THSD4: variants seen among roughly 807,000 people sequenced by gnomAD.
THSD4 encodes the protein thrombospondin type 1 domain containing 4.
Under a neutral mutation model 119.0 loss-of-function variants are expected in THSD4, and 69 were observed. The ratio of observed to expected loss-of-function variants is 0.58; its 90% CI spans 0.48 to 0.71. The LOEUF is 0.71. Among genes scored for constraint, THSD4 ranks in the 30% least tolerant of loss-of-function variants. The pLI, the probability that THSD4 is intolerant of heterozygous loss-of-function variation, is 0.00. For missense variants in THSD4, 1,393 were observed against 1,391.1 expected, an observed-to-expected ratio of 1.00 and a Z score of -0.02; for synonymous variants, 524 against 540.4, an observed-to-expected ratio of 0.97 and a Z score of 0.42.
At chr15:71,746,614 C>T (rs1022784797) in intron 12 of THSD4, among the ~76,000 whole-genome samples, 2 of 152,124 alleles carry the variant, frequency 1.3e-5, no homozygotes, top group African/African-American at 2.4e-5. Flanking sequence ...AGGCTGGTCT[C>T]GAACTCCTGG....
At chr15:71,650,913 A>T (rs1037047216) in intron 7 of THSD4, among the ~76,000 whole-genome samples, 3 of 152,218 alleles carry the variant, frequency 2.0e-5, no homozygotes, top group Non-Finnish European at 4.4e-5. Flanking sequence ...TGATTTTTTT[A>T]AAAACTGAGA....
At chr15:71,180,140 A>G (rs1005495568) in intron 3 of THSD4, among the ~76,000 whole-genome samples, 2 of 42,440 alleles carry the variant, frequency 4.7e-5, no homozygotes, top group African/African-American at 7.3e-5. Flanking sequence ...CTTAGAGTAT[A>G]ATAAAAAAAA....
Position 71,771,103 on chromosome 15 carries a change from G to C in THSD4, c.2809G>C (p.Val937Leu). 1 of 1,614,222 alleles carries C rather than the reference G, an allele frequency of 6.2e-7. No homozygotes were observed. Among genetic ancestry groups the C allele is most frequent in the Non-Finnish European group, 8.5e-7 (1 of 1,180,028 alleles). ...SCQGGFRVRE[V>L]RCLSDDMTLS... ...CCAGGGTGGCTTTCGGGTCCGGGAA[G>C]TGCGGTGTCTGTCTGATGACATGAC... Residue 937 changes from valine (V) to leucine (L), a missense_variant, in exon 17 of 18, where the codon GTG becomes CTG. Transcript: ENST00000261862.
chr15:71,704,454 A>G (rs980397929), intron 8 of THSD4, among the ~76,000 whole-genome samples: 1 of 152,082 alleles, frequency 6.6e-6, no homozygotes, highest in African/African-American at 2.4e-5. Context: ...TCCCCTGCAC[A>G]TGCTCTCTTG....
intron 7 of THSD4, among the ~76,000 whole-genome samples, chr15:71,434,462 T>TCAA (rs1555413343): frequency 8.0e-6 from 1 of 124,848 alleles, no homozygotes; most frequent in Non-Finnish European, 1.6e-5. Context: ...TTTTTTTTTT[T>TCAA]AATTTCTGAA....
chr15:71,341,263 A>G (rs535873847), intron 6 of THSD4: 1 of 1,596,162 alleles, frequency 6.3e-7, no homozygotes, highest in African/African-American at 1.3e-5. Context: ...CCTTTTCCGT[A>G]AGGATCATCT....
At chr15:71,442,579 AAT>A (rs1555414268) in intron 7 of THSD4, among the ~76,000 whole-genome samples, 1 of 39,860 alleles carries the variant, frequency 2.5e-5, no homozygotes, top group African/African-American at 7.4e-5. Flanking sequence ...AAAAAAAAAA[AAT>A]ATATATATAT....
At chr15:71,471,571 T>G (rs1471574309) in intron 7 of THSD4, among the ~76,000 whole-genome samples, 1 of 151,770 alleles carries the variant, frequency 6.6e-6, no homozygotes, top group Non-Finnish European at 1.5e-5. Flanking sequence ...GATGTTTGTC[T>G]TTTGCAATGT....
In THSD4 at chr15:71,768,268, A is replaced by AAAAAAAACC. The variant is rs796968019; in HGVS notation, c.2770-2788_2770-2780dup. 2.5e-3 allele frequency among the ~76,000 whole-genome samples: 358 copies of AAAAAAAACC among 145,002 alleles called. 1 individual carries two copies. Among genetic ancestry groups the AAAAAAAACC allele is most frequent in the African/African-American group, 8.3e-3 (326 of 39,262 alleles). ...GGCAGCCCCCCGGAAGTAGTCTCACAAAAAAAACCAAAAAAAAACCCTGCA... is the reference window on the plus strand; with the variant it reads ...GGCAGCCCCCCGGAAGTAGTCTCACAAAAAAAACCAAAAAAACCAAAAAAAAACCCTGCA... On this transcript the variant is annotated intron_variant, in intron 16 of 17. Coordinates refer to ENST00000261862, the MANE Select transcript of THSD4 (RefSeq NM_024817.3).
At chr15:71,290,651 A>T (rs1394275565) in intron 6 of THSD4, among the ~76,000 whole-genome samples, 1 of 152,220 alleles carries the variant, frequency 6.6e-6, no homozygotes, top group Non-Finnish European at 1.5e-5. Context: ...CTTAATTTAA[A>T]AAGTATTTTG....
intron 7 of THSD4, among the ~76,000 whole-genome samples, chr15:71,616,160 TA>T (rs1219813403): frequency 1.3e-5 from 2 of 151,276 alleles, no homozygotes; most frequent in Admixed American, 6.6e-5. Context: ...GGCAGTTCCT[TA>T]AAAAAAAATC....
At chr15:71,367,315 G>C (rs184925640) in intron 6 of THSD4, among the ~76,000 whole-genome samples, 9 of 151,328 alleles carry the variant, frequency 5.9e-5, no homozygotes, top group Admixed American at 2.0e-4. Context: ...TATTATACTT[G>C]AAGTTCTAGG....
intron 7 of THSD4, among the ~76,000 whole-genome samples, chr15:71,608,038 G>A (rs1039860977): frequency 1.1e-4 from 16 of 151,952 alleles, no homozygotes; most frequent in African/African-American, 7.2e-5. Flanking sequence ...CCTGGCCAAC[G>A]TGGTGAAACC....
chr15:71,564,191 T>C (rs1317036075), intron 7 of THSD4, among the ~76,000 whole-genome samples: 3 of 152,198 alleles, frequency 2.0e-5, no homozygotes, highest in Non-Finnish European at 4.4e-5. Flanking sequence ...CTATTCCTGC[T>C]ATGCTTATGT....
chr15:71,385,536 A>C (rs975655112), intron 6 of THSD4, among the ~76,000 whole-genome samples: 1 of 152,022 alleles, frequency 6.6e-6, no homozygotes, highest in African/African-American at 2.4e-5. Flanking sequence ...TACAGAAAAC[A>C]GAAGTGACTT....
In THSD4 at chr15:71,767,695, A is replaced by T. The variant is rs368983002; in HGVS notation, c.2769+2496A>T. On this transcript the variant is annotated intron_variant, in intron 16 of 17. Transcript: ENST00000261862. The stretch of plus-strand genomic sequence containing the variant: ...GTATAAACTTAGAAATTATCTCTCT[A>T]AAAATCTTTTCTAATTTCACCCACT... 5.3e-5 allele frequency: 8 copies of T among 152,340 alleles called. No individual in the cohort carries two copies. In the East Asian group the frequency reaches 1.2e-3, roughly 22 times the overall value. The allele number at this position is 152,340 out of a possible 1,614,324, so 9.4% of individuals were successfully genotyped here.
At chr15:71,663,200 T>C (rs1387272575) in intron 8 of THSD4, among the ~76,000 whole-genome samples, 1 of 151,888 alleles carries the variant, frequency 6.6e-6, no homozygotes, top group Non-Finnish European at 1.5e-5. Context: ...TGCAGTGAGT[T>C]GTAATCGTGC....
chr15:71,527,661 T>C (rs921909606), intron 7 of THSD4, among the ~76,000 whole-genome samples: 4 of 151,892 alleles, frequency 2.6e-5, no homozygotes, highest in Non-Finnish European at 5.9e-5. Flanking sequence ...CTTTTCTTCA[T>C]TGATGTTACT....
intron 7 of THSD4, among the ~76,000 whole-genome samples, chr15:71,612,098 C>T (rs950712579): frequency 5.3e-5 from 8 of 152,182 alleles, no homozygotes. Context: ...TTAGCCATTT[C>T]TCTGGAAATG....
Sources: allele counts gnomAD v4.1 joint callset (sites outside exome capture counted in the v4.1 genomes callset), GRCh38; gene constraint gnomAD v4.1.1; transcripts MANE v1.5; gene names NCBI Gene and HGNC (gene_info 2026-07-23, HGNC 2026-07-21).